DOK6: variants seen among roughly 807,000 people sequenced by gnomAD.
DOK6 encodes downstream of tyrosine kinase 6.
In DOK6, 22 loss-of-function variants were observed where a neutral mutation model predicts 44.0. The ratio of observed to expected loss-of-function variants is 0.50; its 90% CI spans 0.36 to 0.71. The LOEUF (loss-of-function observed/expected upper bound fraction) is 0.71, where lower values mean the gene tolerates loss of function less well. Ranked by LOEUF, DOK6 falls within the 30% of genes least tolerant of loss-of-function variation. DOK6 has a pLI of 0.00. For missense variants in DOK6, 340 were observed against 416.4 expected (o/e 0.82, Z 1.60); for synonymous variants, 166 against 145.5 (o/e 1.14, Z -1.01).
At chr18:69,499,410 T>A (rs777978365) in intron 1 of DOK6, among the ~76,000 whole-genome samples, 3 of 152,132 alleles carry the variant, frequency 2.0e-5, no homozygotes, top group Non-Finnish European at 4.4e-5. Context: ...TAGGCTAGAA[T>A]TAGTGTGATA....
intron 6 of DOK6, among the ~76,000 whole-genome samples, chr18:69,755,000 T>C (rs566782557): frequency 1.2e-4 from 19 of 152,274 alleles, no homozygotes; most frequent in African/African-American, 3.4e-4. Context: ...TTTGTATCCC[T>C]GGCAAAGATC....
At chr18:69,801,906 T>C (rs548246764) in intron 7 of DOK6, among the ~76,000 whole-genome samples, 7 of 152,280 alleles carry the variant, frequency 4.6e-5, no homozygotes, top group African/African-American at 1.7e-4. Flanking sequence ...ACAATTTCTG[T>C]TAGCTATTGT....
intron 1 of DOK6, among the ~76,000 whole-genome samples, chr18:69,432,047 TAAAA>T (rs1978820972): frequency 6.6e-6 from 1 of 152,094 alleles, no homozygotes; most frequent in East Asian, 1.9e-4. Flanking sequence ...TAACCAAAAA[TAAAA>T]AGAAAATTTG....
intron 5 of DOK6, among the ~76,000 whole-genome samples, chr18:69,730,688 A>AT (rs1978371862): frequency 6.6e-6 from 1 of 152,234 alleles, no homozygotes; most frequent in Non-Finnish European, 1.5e-5. Flanking sequence ...TGAAATGAAC[A>AT]TTTGACATTT....
At chr18:69,643,704 C>T (rs1985000160) in intron 3 of DOK6, 1 of 152,134 alleles carries the variant, frequency 6.6e-6, no homozygotes, top group South Asian at 2.1e-4. Flanking sequence ...AATAAAACTG[C>T]TATAGATATT....
At chr18:69,485,473 TG>T (rs1980548797) in intron 1 of DOK6, among the ~76,000 whole-genome samples, 1 of 152,152 alleles carries the variant, frequency 6.6e-6, no homozygotes, top group Non-Finnish European at 1.5e-5. Context: ...GTCCCGTGGA[TG>T]CAGAATAAAG....
At chr18:69,701,573 C>G (rs911448191) in intron 5 of DOK6, among the ~76,000 whole-genome samples, 6 of 152,156 alleles carry the variant, frequency 3.9e-5, no homozygotes, top group African/African-American at 1.2e-4. Context: ...GTGAAAATGC[C>G]TGCATGGCCA....
chr18:69,492,314 A>G (rs1340898671), intron 1 of DOK6, among the ~76,000 whole-genome samples: 1 of 152,192 alleles, frequency 6.6e-6, no homozygotes. Context: ...GCAAAGAACA[A>G]TATTGCTTCT....
chr18:69,423,395 C>A (rs1011741271), intron 1 of DOK6, among the ~76,000 whole-genome samples: 1 of 152,162 alleles, frequency 6.6e-6, no homozygotes, highest in South Asian at 2.1e-4. Context: ...TGAAGAGTTG[C>A]CTTTGGTATT....
chr18:69,520,276 G>A (rs1056411403), intron 1 of DOK6, among the ~76,000 whole-genome samples: 2 of 140,762 alleles, frequency 1.4e-5, no homozygotes, highest in African/African-American at 5.3e-5. Context: ...ATTAGACCTA[G>A]TCAAAAATAT....
At chr18:69,475,878 TTTA>T (rs1456440363) in intron 1 of DOK6, among the ~76,000 whole-genome samples, 1 of 152,232 alleles carries the variant, frequency 6.6e-6, no homozygotes, top group African/African-American at 2.4e-5. Flanking sequence ...ATGTTTATTT[TTTA>T]TTATTTTATT....
At chr18:69,410,715 A>G (rs1160972116) in intron 1 of DOK6, among the ~76,000 whole-genome samples, 2 of 152,192 alleles carry the variant, frequency 1.3e-5, no homozygotes, top group African/African-American at 4.8e-5. Context: ...TGCTCTTGAA[A>G]GATTTCAATT....
Position 69,520,598 on chromosome 18 carries a change from C to T in DOK6, c.67-43889C>T, listed in dbSNP as rs555946256. Reference sequence around the variant, plus strand: ...TCTACACATAAGTAATTAACACAAACGTTGTTTCATGCAAAAAATTATTCA... The same window carrying T: ...TCTACACATAAGTAATTAACACAAATGTTGTTTCATGCAAAAAATTATTCA... On this transcript the variant is annotated intron_variant, in intron 1 of 7. Transcript: ENST00000382713. Among the ~76,000 whole-genome samples, 6 of 151,948 alleles carry T rather than the reference C, an allele frequency of 3.9e-5. No homozygotes were observed. In the East Asian group the frequency reaches 7.7e-4, roughly 20 times the overall value.
chr18:69,805,568 CA>C (rs1326011591), intron 7 of DOK6, among the ~76,000 whole-genome samples: 1 of 152,158 alleles, frequency 6.6e-6, no homozygotes, highest in African/African-American at 2.4e-5. Context: ...CCTGTTTCTA[CA>C]GTTTGATGTT....
At chr18:69,789,778 T>C (rs970159562) in intron 7 of DOK6, among the ~76,000 whole-genome samples, 1 of 152,210 alleles carries the variant, frequency 6.6e-6, no homozygotes, top group Non-Finnish European at 1.5e-5. Context: ...AGATACCAGC[T>C]AGAACTATTT....
intron 5 of DOK6, among the ~76,000 whole-genome samples, chr18:69,701,328 C>G (rs1173836282): frequency 6.6e-6 from 1 of 152,200 alleles, no homozygotes; most frequent in East Asian, 1.9e-4. Context: ...AGCAATTGCT[C>G]TTTTACCATA....
intron 7 of DOK6, among the ~76,000 whole-genome samples, chr18:69,830,274 G>C (rs1981864317): frequency 6.6e-6 from 1 of 152,066 alleles, no homozygotes; most frequent in African/African-American, 2.4e-5. Context: ...GCTTGTTATA[G>C]ACTGACTTTA....
intron 2 of DOK6, among the ~76,000 whole-genome samples, chr18:69,567,734 T>G (rs1983018293): frequency 6.6e-6 from 1 of 152,134 alleles, no homozygotes; most frequent in Non-Finnish European, 1.5e-5. Flanking sequence ...GATGTCAGGT[T>G]CAAGCCCCAG....
intron 3 of DOK6, 129 bp downstream of exon 3, chr18:69,599,627 G>C (rs138383756): frequency 1.5e-6 from 1 of 647,004 alleles, no homozygotes; most frequent in African/African-American, 1.8e-5. Flanking sequence ...AGAAGACTTC[G>C]TTCAGAAGCT....
Sources: gnomAD v4.1 joint callset for allele counts (sites outside exome capture counted in the v4.1 genomes callset) on GRCh38, gnomAD v4.1.1 for gene constraint, MANE v1.5 for transcripts, NCBI Gene and HGNC (gene_info 2026-07-23, HGNC 2026-07-21) for gene names.